The following RAF1 variants were observed in gnomAD, a reference collection of about 807,000 sequenced individuals.
The protein encoded by RAF1 is Raf-1 proto-oncogene, serine/threonine kinase.
RAF1 carries 27 observed loss-of-function variants against 81.1 expected under a neutral mutation model. The ratio of observed to expected loss-of-function variants is 0.33; its 90% CI spans 0.25 to 0.46. RAF1 has a LOEUF of 0.46. Ranked by LOEUF, RAF1 falls within the 20% of genes least tolerant of loss-of-function variation. The probability of loss-of-function intolerance (pLI) is 1.00; values close to 1 mark genes in which losing one functional copy is unlikely to be tolerated. For missense variants in RAF1, 598 were observed against 826.0 expected (o/e 0.72, Z 3.38); for synonymous variants, 298 against 294.0 (o/e 1.01, Z -0.14).
At chr3:12,595,692 C>T (rs2058665432) in intron 11 of RAF1, among the ~76,000 whole-genome samples, 1 of 152,072 alleles carries the variant, frequency 6.6e-6, no homozygotes, top group Non-Finnish European at 1.5e-5. Context: ...GCACCACCCA[C>T]CCTCGCCCTC....
At chr3:12,656,638 T>A (rs2060702629) in intron 1 of RAF1, among the ~76,000 whole-genome samples, 1 of 152,148 alleles carries the variant, frequency 6.6e-6, no homozygotes, top group Non-Finnish European at 1.5e-5. Context: ...CATGCCCCAC[T>A]GGAAATATAT....
chr3:12,616,850 A>C (rs1027646219), intron 2 of RAF1, among the ~76,000 whole-genome samples: 1 of 152,234 alleles, frequency 6.6e-6, no homozygotes, highest in Admixed American at 6.5e-5. Context: ...AGTTCCACCA[A>C]GCAAAACCAA....
intron 1 of RAF1, among the ~76,000 whole-genome samples, chr3:12,632,359 T>C (rs147800933): frequency 6.7e-6 from 1 of 149,490 alleles, no homozygotes; most frequent in Non-Finnish European, 1.5e-5. Flanking sequence ...CTTGGGTGAA[T>C]TGTCAAAATA....
chr3:12,597,085 AGACGGGGTTTCACCG>A (rs2058710534), intron 11 of RAF1, among the ~76,000 whole-genome samples: 1 of 152,022 alleles, frequency 6.6e-6, no homozygotes, highest in South Asian at 2.1e-4. Flanking sequence ...TTTTTAGTAG[AGACGGGGTTTCACCG>A]TGTTAGCCAG....
At chr3:12,632,218 G>T (rs2059883689) in intron 1 of RAF1, among the ~76,000 whole-genome samples, 1 of 150,926 alleles carries the variant, frequency 6.6e-6, no homozygotes, top group South Asian at 2.1e-4. Flanking sequence ...CAGCTACTCG[G>T]GAGGCTGAGG....
intron 1 of RAF1, among the ~76,000 whole-genome samples, chr3:12,626,807 T>A (rs1325502898): frequency 6.6e-6 from 1 of 151,910 alleles, no homozygotes; most frequent in East Asian, 1.9e-4. Context: ...GTGAATTACC[T>A]GAGGTCAGGA....
At chr3:12,636,443 T>TA (rs796569209) in intron 1 of RAF1, among the ~76,000 whole-genome samples, 79,682 of 141,604 alleles carry the variant, frequency 0.56, 22,850 homozygotes, top group East Asian at 0.9. Context: ...TGTATATCTT[T>TA]AAAAAAAAAA....
At chr3:12,613,827 C>G (rs1330825690) in intron 2 of RAF1, among the ~76,000 whole-genome samples, 1 of 152,144 alleles carries the variant, frequency 6.6e-6, no homozygotes, top group Non-Finnish European at 1.5e-5. Flanking sequence ...CTTATCTGCC[C>G]AGTAATCATT....
chr3:12,615,372 G>A (rs913350240), intron 2 of RAF1, among the ~76,000 whole-genome samples: 25 of 152,112 alleles, frequency 1.6e-4, no homozygotes, highest in East Asian at 3.8e-4. Context: ...TCAGATACGC[G>A]TCCTCTGTCT....
At chr3:12,656,766 A>G (rs2060706261) in intron 1 of RAF1, among the ~76,000 whole-genome samples, 2 of 152,084 alleles carry the variant, frequency 1.3e-5, no homozygotes, top group South Asian at 4.1e-4. Flanking sequence ...GGAGGCTGAG[A>G]CAGGTGGATC....
chr3:12,644,738 T>G (rs989005760), intron 1 of RAF1, among the ~76,000 whole-genome samples: 1 of 152,168 alleles, frequency 6.6e-6, no homozygotes, highest in Non-Finnish European at 1.5e-5. Context: ...AGCAAATCAA[T>G]CATTATAATC....
intron 1 of RAF1, among the ~76,000 whole-genome samples, chr3:12,634,342 C>T (rs1038848616): frequency 6.0e-5 from 9 of 150,526 alleles, no homozygotes; most frequent in Non-Finnish European, 1.3e-4. Flanking sequence ...GTAGAGATGG[C>T]GTTTCGCCAT....
At chr3:12,591,601 C>T (rs2058516309) in intron 12 of RAF1, 107 bp downstream of exon 11, 1 of 954,420 alleles carries the variant, frequency 1.0e-6, no homozygotes, top group South Asian at 1.3e-5. Flanking sequence ...ACAGTGAGTC[C>T]TAACTGCCTG....
chr3:12,607,643 G>A (rs1286049425), intron 5 of RAF1, among the ~76,000 whole-genome samples: 1 of 151,616 alleles, frequency 6.6e-6, no homozygotes, highest in Non-Finnish European at 1.5e-5. Context: ...GCGAGACCCT[G>A]TCTTTAAAAA....
chr3:12,641,219 G>C (rs1237879276), intron 1 of RAF1, among the ~76,000 whole-genome samples: 3 of 124,474 alleles, frequency 2.4e-5, no homozygotes, highest in South Asian at 6.4e-4. Flanking sequence ...GTCATGGGGT[G>C]GGGGGAGGGA....
intron 13 of RAF1, chr3:12,590,528 T>C (rs2058480815): frequency 4.3e-6 from 2 of 461,348 alleles, no homozygotes; most frequent in South Asian, 4.4e-5. Context: ...TTTTGCCATA[T>C]TGGCAAGGCT....
intron 8 of RAF1, among the ~76,000 whole-genome samples, chr3:12,602,033 C>G (rs2058876742): frequency 6.6e-6 from 1 of 152,188 alleles, no homozygotes; most frequent in Non-Finnish European, 1.5e-5. Flanking sequence ...TAAAGCAAAG[C>G]ACAATTTATT....
At chr3:12,606,911 G>C (rs559445598) in intron 5 of RAF1, among the ~76,000 whole-genome samples, 2 of 151,988 alleles carry the variant, frequency 1.3e-5, no homozygotes, top group African/African-American at 4.8e-5. Flanking sequence ...GGCTGGTCTC[G>C]AACTCCTGAC....
intron 11 of RAF1, among the ~76,000 whole-genome samples, chr3:12,592,731 C>CTTTTTT (rs35189562): frequency 4.7e-5 from 5 of 107,224 alleles, no homozygotes; most frequent in African/African-American, 1.1e-4. Flanking sequence ...TTAAAAGCCA[C>CTTTTTT]TTTTTTTTTT....
Sources: gnomAD v4.1 joint callset for allele counts (sites outside exome capture counted in the v4.1 genomes callset) on GRCh38, gnomAD v4.1.1 for gene constraint, MANE v1.5 for transcripts, NCBI Gene and HGNC (gene_info 2026-07-23, HGNC 2026-07-21) for gene names.